Variants in MAOB observed in about 807,000 individuals in gnomAD.
MAOB encodes monoamine oxidase B.
In MAOB, 15 loss-of-function variants were observed where a neutral mutation model predicts 41.9. The observed-to-expected ratio is 0.36, with a 90% CI of 0.24 to 0.55. The LOEUF is 0.55. MAOB is among the 20% of genes least tolerant of loss of function. The pLI, the probability that MAOB is intolerant of heterozygous loss-of-function variation, is 0.86. For synonymous variants in MAOB, 167 were observed against 144.2 expected (o/e 1.16, Z -1.13); for missense variants, 345 against 398.7 (o/e 0.87, Z 1.15).
intron 3 of MAOB, among the ~76,000 whole-genome samples, chrX:43,821,576 A>C (rs963788603): frequency 1.1e-4 from 12 of 111,978 alleles, no homozygotes; most frequent in African/African-American, 3.9e-4. Context: ...GCCTTAGTAC[A>C]ATATACAAGG....
intron 1 of MAOB, among the ~76,000 whole-genome samples, chrX:43,870,129 C>T (rs2035391351): frequency 8.9e-6 from 1 of 112,248 alleles, no homozygotes; most frequent in Non-Finnish European, 1.9e-5. Flanking sequence ...TTTCCAAGAA[C>T]CCAGAATCTG....
chrX:43,847,473 A>G (rs1448343373), intron 1 of MAOB, among the ~76,000 whole-genome samples: 1 of 112,033 alleles, frequency 8.9e-6, no homozygotes, highest in Non-Finnish European at 1.9e-5. Flanking sequence ...GCTGAGGAAT[A>G]TTATTATCCT....
intron 3 of MAOB, among the ~76,000 whole-genome samples, chrX:43,838,493 T>C (rs775488512): frequency 3.6e-4 from 41 of 112,479 alleles, no homozygotes; most frequent in Non-Finnish European, 6.0e-4. Flanking sequence ...ATATTGCAAA[T>C]ACTCTTTACA....
intron 1 of MAOB, among the ~76,000 whole-genome samples, chrX:43,876,297 T>C (rs1346287172): frequency 2.7e-5 from 3 of 111,919 alleles, no homozygotes; most frequent in Non-Finnish European, 5.6e-5. Context: ...TTCCCTCAAA[T>C]ATTTTTAAGA....
chrX:43,843,681 A>G lies in MAOB; in HGVS notation c.130T>C (p.Tyr44His). The change falls in exon 2 of 15, where the codon TAC becomes CAC. Residue 44 changes from tyrosine (Y) to histidine (H), a missense_variant. Tyr to His is a moderately conservative substitution (Grantham distance 83). Transcript: ENST00000378069. ...EARDRVGGRT[Y>H]TLRNQKVKYV... The stretch of plus-strand genomic sequence containing the variant: ...TCTTAATGCCTTACCCTAAGAGTGT[A>G]AGTCCTGCCTCCCACACGGTCCCGG... The G allele has an allele frequency of 8.3e-7, 1 of 1,210,629 alleles. No homozygotes were observed. Among genetic ancestry groups the G allele is most frequent in the Non-Finnish European group, 1.1e-6 (1 of 894,874 alleles).
intron 7 of MAOB, among the ~76,000 whole-genome samples, 159 bp from the exon 8 acceptor site, chrX:43,793,737 A>G (rs2034491504): frequency 8.9e-6 from 1 of 111,936 alleles, no homozygotes; most frequent in African/African-American, 3.3e-5. Context: ...TCCTTAGTTC[A>G]AAACCTCCAA....
intron 4 of MAOB, 42 bp downstream of exon 4, chrX:43,803,258 T>A: frequency 9.3e-7 from 1 of 1,077,990 alleles, no homozygotes; most frequent in Non-Finnish European, 1.2e-6. Flanking sequence ...AGGATGAAAC[T>A]TATTACAAAA....
intron 1 of MAOB, 89 bp downstream of exon 1, chrX:43,882,165 C>G: frequency 8.6e-7 from 1 of 1,161,998 alleles, no homozygotes. Flanking sequence ...AGGGTCAGCC[C>G]CTGCCCCACG....
intron 3 of MAOB, among the ~76,000 whole-genome samples, chrX:43,814,543 C>G (rs1434400523): frequency 1.8e-5 from 2 of 112,588 alleles, no homozygotes; most frequent in East Asian, 5.6e-4. Context: ...TTAACTTGTA[C>G]TTGCCCATGT....
At chrX:43,775,036 A>C in intron 12 of MAOB, 139 bp downstream of exon 12, 2 of 900,015 alleles carry the variant, frequency 2.2e-6, no homozygotes, top group Non-Finnish European at 2.8e-6. Flanking sequence ...CATTCATAAG[A>C]TACAAAGGAA....
At chrX:43,802,734 A>G (rs2034611183) in intron 4 of MAOB, among the ~76,000 whole-genome samples, 1 of 108,747 alleles carries the variant, frequency 9.2e-6, no homozygotes, top group Non-Finnish European at 1.9e-5. Context: ...AACAATGAAA[A>G]CATATGGACA....
chrX:43,858,988 G>A (rs2147175641), intron 1 of MAOB, among the ~76,000 whole-genome samples: 1 of 111,563 alleles, frequency 9.0e-6, no homozygotes, highest in East Asian at 2.8e-4. Context: ...ATCCCTTTGA[G>A]ATAATTTACA....
rs1033585925 is a variant in MAOB at position 43,816,328 on chromosome X, T to C, written c.280-12924A>G. Reference sequence around the variant, plus strand: ...CTGTTCATTTATGTTTTGTCCTGTTTTCTGTATGTATGCTATACATCAACA... The same window carrying C: ...CTGTTCATTTATGTTTTGTCCTGTTCTCTGTATGTATGCTATACATCAACA... On this transcript the variant is annotated intron_variant, in intron 3 of 14. Transcript: ENST00000378069. Among the ~76,000 whole-genome samples the C allele has an allele frequency of 2.7e-5, 3 of 111,853 alleles. No homozygotes were observed. In the East Asian group the frequency reaches 8.5e-4, roughly 32 times the overall value.
At chrX:43,783,318 G>C (rs2034360170) in intron 8 of MAOB, among the ~76,000 whole-genome samples, 2 of 111,628 alleles carry the variant, frequency 1.8e-5, no homozygotes, top group Admixed American at 1.9e-4. Context: ...GACCTCCAAA[G>C]ACTCTTTCCC....
intron 3 of MAOB, among the ~76,000 whole-genome samples, chrX:43,824,794 G>A (rs2147153506): frequency 8.8e-6 from 1 of 113,464 alleles, no homozygotes; most frequent in African/African-American, 3.2e-5. Flanking sequence ...ACAGACATAT[G>A]TGTGGCCATG....
intron 1 of MAOB, among the ~76,000 whole-genome samples, chrX:43,859,848 C>A (rs1300506118): frequency 1.8e-5 from 2 of 111,892 alleles, no homozygotes; most frequent in Non-Finnish European, 3.8e-5. Context: ...CCCTTCATAG[C>A]ACTTCTTCAA....
intron 1 of MAOB, among the ~76,000 whole-genome samples, chrX:43,859,893 TCTCTATTTCCCCAA>T (rs2035320855): frequency 8.9e-6 from 1 of 111,899 alleles, no homozygotes; most frequent in Admixed American, 9.5e-5. Context: ...TATTTCCCCA[TCTCTATTTCCCCAA>T]CTCACTCCAG....
intron 8 of MAOB, among the ~76,000 whole-genome samples, chrX:43,786,255 G>C (rs111321427): frequency 0.015 from 1,643 of 111,879 alleles, 46 homozygotes; most frequent in African/African-American, 0.049. Flanking sequence ...GAGGTTGTTT[G>C]AACAAAATTA....
At chrX:43,793,795 C>T (rs1298205338) in intron 7 of MAOB, among the ~76,000 whole-genome samples, 1 of 111,840 alleles carries the variant, frequency 8.9e-6, no homozygotes, top group Admixed American at 9.5e-5. Context: ...TCACCATCAT[C>T]GCCAAGGCCA....
Sources: gnomAD v4.1 joint callset for allele counts (sites outside exome capture counted in the v4.1 genomes callset) on GRCh38, gnomAD v4.1.1 for gene constraint, MANE v1.5 for transcripts, NCBI Gene and HGNC (gene_info 2026-07-23, HGNC 2026-07-21) for gene names.